Variants in RAP1GAP observed in about 807,000 individuals in gnomAD.
RAP1GAP encodes the protein rap1 GTPase-activating protein 1.
A neutral mutation model predicts 87.2 loss-of-function variants in RAP1GAP; 35 were observed. The observed-to-expected ratio is 0.40, with a 90% confidence interval of 0.31 to 0.53. The LOEUF (loss-of-function observed/expected upper bound fraction) is 0.53. Ranked by LOEUF, RAP1GAP falls within the 20% of genes least tolerant of loss-of-function variation. The pLI is 0.48. For synonymous variants in RAP1GAP, 375 were observed against 363.9 expected, an observed-to-expected ratio of 1.03 and a Z score of -0.35; for missense variants, 734 against 898.9, an observed-to-expected ratio of 0.82 and a Z score of 2.35.
chr1:21,626,505 C>T (rs1328995551), intron 2 of RAP1GAP, 108 bp from the exon 3 acceptor site: 34 of 894,380 alleles, frequency 3.8e-5, no homozygotes, highest in African/African-American at 2.1e-4. Flanking sequence ...ATAGACTTCA[C>T]GGAGGAGAGG....
In RAP1GAP at chr1:21,597,727, C is replaced by T; in HGVS notation, c.1985G>A (p.Gly662Asp). The change falls in exon 24 of 25, where the codon GGC (glycine) becomes GAC (aspartate). Residue 662 changes from glycine to aspartate, a missense_variant and splice_region_variant. Physicochemically the swap from Gly to Asp is moderately conservative, Grantham distance 94 (BLOSUM62 -1). Coordinates refer to ENST00000374765, the MANE Select transcript of RAP1GAP (RefSeq NM_002885.4). ...EASEQHMPQLGC is the reference protein window; with the variant it reads ...EASEQHMPQLDC Reference sequence around the variant, plus strand: ...TCAGAGGGGGTGGCCCGGCTAACAGCCCTGCAGACAGACAGTGGTGGTGAG... The same window carrying T: ...TCAGAGGGGGTGGCCCGGCTAACAGTCCTGCAGACAGACAGTGGTGGTGAG... 2 of 1,613,610 alleles carry T rather than the reference C, an allele frequency of 1.2e-6. No homozygotes were observed. Among genetic ancestry groups the T allele is most frequent in the Non-Finnish European group, 1.7e-6 (2 of 1,179,666 alleles).
chr1:21,611,594 C>A lies in RAP1GAP; in HGVS notation c.714-13G>T, dbSNP rs1335727040. 1 of 1,613,906 alleles carries A rather than the reference C, an allele frequency of 6.2e-7. No homozygotes were observed. Among genetic ancestry groups the A allele is most frequent in the Non-Finnish European group, 8.5e-7 (1 of 1,179,978 alleles). ...GCCTCCTCGGAACCTGCCCCGGGGC[C>A]CCCCAGGCCACGCCTCAGTCTCCAG... is the stretch of plus-strand genomic sequence containing the variant. On this transcript the variant is annotated splice_polypyrimidine_tract_variant and intron_variant, in intron 12 of 24. Transcript: ENST00000374765.
intron 1 of RAP1GAP, among the ~76,000 whole-genome samples, chr1:21,661,772 A>T (rs930675794): frequency 4.6e-5 from 7 of 152,256 alleles, no homozygotes; most frequent in African/African-American, 1.7e-4. Context: ...GAGCTGAGCC[A>T]GGAAATCTGT....
At chr1:21,629,192 C>G (rs1427476588) in intron 2 of RAP1GAP, among the ~76,000 whole-genome samples, 1 of 152,296 alleles carries the variant, frequency 6.6e-6, no homozygotes, top group South Asian at 2.1e-4. Context: ...AGGGCAGAGG[C>G]TGCCTGGGGG....
At chr1:21,633,754 C>T (rs934839549) in intron 2 of RAP1GAP, among the ~76,000 whole-genome samples, 1 of 152,144 alleles carries the variant, frequency 6.6e-6, no homozygotes, top group Non-Finnish European at 1.5e-5. Context: ...TCCGGCCAGT[C>T]CAGCACTGGT....
At chr1:21,640,380 A>G (rs568240071) in intron 2 of RAP1GAP, among the ~76,000 whole-genome samples, 2 of 152,264 alleles carry the variant, frequency 1.3e-5, no homozygotes, top group Non-Finnish European at 2.9e-5. Context: ...AGCCACTGTC[A>G]GTCTCTCCTG....
chr1:21,612,980 T>C (rs2079356366), intron 10 of RAP1GAP, 196 bp downstream of exon 10: 1 of 628,672 alleles, frequency 1.6e-6, no homozygotes, highest in African/African-American at 1.8e-5. Context: ...CCCTCCTATC[T>C]GCTGTGCACC....
At chr1:21,607,344 T>C (rs1234417404) in intron 17 of RAP1GAP, among the ~76,000 whole-genome samples, 1 of 152,198 alleles carries the variant, frequency 6.6e-6, no homozygotes, top group Non-Finnish European at 1.5e-5. Flanking sequence ...CTTTTACAGA[T>C]AACAATAACT....
Position 21,603,272 on chromosome 1 carries a change from G to A in RAP1GAP, c.1429-359C>T, listed in dbSNP as rs1045151612. 5.0e-6 allele frequency: 2 copies of A among 396,856 alleles called. No homozygotes were observed. Among genetic ancestry groups the A allele is most frequent in the Non-Finnish European group, 9.2e-6 (2 of 218,394 alleles). The allele number at this position is 396,856 out of a possible 1,614,324, so 24.6% of individuals were successfully genotyped here. Reference sequence around the variant, plus strand: ...GCAGCCTAAGGGCAGTGGTCAGAGGGCAGTGTAGCAACCCAAGTCCCACCC... The same window carrying A: ...GCAGCCTAAGGGCAGTGGTCAGAGGACAGTGTAGCAACCCAAGTCCCACCC... On this transcript the variant is annotated intron_variant, in intron 18 of 24. Coordinates refer to ENST00000374765, the MANE Select transcript of RAP1GAP (RefSeq NM_002885.4). The surrounding 1 kb of genome is among the most constrained non-coding windows in gnomAD (Gnocchi z 6.0).
intron 1 of RAP1GAP, among the ~76,000 whole-genome samples, chr1:21,657,242 G>C (rs542296953): frequency 6.6e-6 from 1 of 152,168 alleles, no homozygotes; most frequent in Non-Finnish European, 1.5e-5. Context: ...CACATGCAAA[G>C]GTCAACTCCA....
chr1:21,620,261 A>G (rs1008012230), intron 3 of RAP1GAP, among the ~76,000 whole-genome samples: 3 of 152,204 alleles, frequency 2.0e-5, no homozygotes, highest in Non-Finnish European at 2.9e-5. Flanking sequence ...AGGTGAACCC[A>G]GAGCCTAGGG....
intron 1 of RAP1GAP, among the ~76,000 whole-genome samples, chr1:21,655,843 T>C (rs1164145957): frequency 6.6e-6 from 1 of 152,196 alleles, no homozygotes; most frequent in East Asian, 1.9e-4. Flanking sequence ...CAGCTCCCCC[T>C]TTCCAGGGAG....
At chr1:21,635,789 C>T (rs1390941684) in intron 2 of RAP1GAP, among the ~76,000 whole-genome samples, 1 of 152,254 alleles carries the variant, frequency 6.6e-6, no homozygotes, top group African/African-American at 2.4e-5. Context: ...CATGGGGAAG[C>T]CCTAGCTCTG....
At chr1:21,602,709 G>A (rs918317074) in intron 19 of RAP1GAP, 95 bp downstream of exon 19, 28 of 1,096,774 alleles carry the variant, frequency 2.6e-5, no homozygotes, top group Admixed American at 9.1e-5. Flanking sequence ...GAGGCAGAGG[G>A]GCGGGCACTC....
chr1:21,628,760 C>G (rs927451104), intron 2 of RAP1GAP, among the ~76,000 whole-genome samples: 12 of 152,028 alleles, frequency 7.9e-5, no homozygotes, highest in Admixed American at 5.9e-4. Context: ...CAGTGGTGGG[C>G]ACCTATAACC....
chr1:21,628,451 G>A (rs1268805750), intron 2 of RAP1GAP, among the ~76,000 whole-genome samples: 1 of 148,544 alleles, frequency 6.7e-6, no homozygotes, highest in Non-Finnish European at 1.5e-5. Flanking sequence ...TGGGCGTGGT[G>A]GCTCACACCT....
chr1:21,602,731 C>A, intron 19 of RAP1GAP, 73 bp downstream of exon 19: 1 of 1,364,274 alleles, frequency 7.3e-7, no homozygotes, highest in Non-Finnish European at 1.0e-6. Flanking sequence ...CTTCTGCCTG[C>A]CTTGCTTTGC....
Position 21,597,121 on chromosome 1 carries a change from C to T in RAP1GAP, c.*178G>A, listed in dbSNP as rs1645500254. ...GATCCCAGGTCTGGACGGCTCTGCC[C>T]TGCAGAGACAGCCCAGATGGGTGGG... On this transcript the variant is annotated 3_prime_UTR_variant, in exon 25 of 25. Coordinates refer to ENST00000374765, the MANE Select transcript of RAP1GAP (RefSeq NM_002885.4). 6.6e-6 allele frequency: 1 copy of T among 151,928 alleles called. No individual in the cohort carries two copies. Among genetic ancestry groups the T allele is most frequent in the African/African-American group, 2.4e-5 (1 of 41,194 alleles). The allele number at this position is 151,928 out of a possible 1,614,324, so 9.4% of individuals were successfully genotyped here.
intron 1 of RAP1GAP, among the ~76,000 whole-genome samples, chr1:21,661,343 C>G (rs1054168791): frequency 1.3e-5 from 2 of 152,018 alleles, no homozygotes; most frequent in African/African-American, 4.8e-5. Flanking sequence ...ATGACCTAAT[C>G]TCTGACCCTC....
Sources: gnomAD v4.1 joint callset for allele counts (sites outside exome capture counted in the v4.1 genomes callset) on GRCh38, gnomAD v4.1.1 for gene constraint, Gnocchi (gnomAD v3.1) non-coding constraint, MANE v1.5 for transcripts, NCBI Gene and HGNC (gene_info 2026-07-23, HGNC 2026-07-21) for gene names.